The following SREK1 variants were observed in gnomAD, a reference collection of about 807,000 sequenced individuals.
The protein encoded by SREK1 is splicing regulatory glutamic acid and lysine rich protein 1.
Under a neutral mutation model 66.5 loss-of-function variants are expected in SREK1, and 13 were observed. The ratio of observed to expected loss-of-function variants is 0.20; its 90% CI spans 0.13 to 0.31. The LOEUF (loss-of-function observed/expected upper bound fraction) is 0.31, where lower values mean the gene tolerates loss of function less well. Among genes scored for constraint, SREK1 ranks in the 10% least tolerant of loss-of-function variants. SREK1 has a pLI of 1.00. For missense variants in SREK1, 607 were observed against 769.6 expected (o/e 0.79, Z 2.50); for synonymous variants, 265 against 263.5 (o/e 1.01, Z -0.05).
Position 66,178,803 on chromosome 5 carries a change from A to G in SREK1, c.1810A>G (p.Ile604Val). The change falls in exon 12 of 12, where the codon ATA becomes GTA. Residue 604 changes from isoleucine (I) to valine (V), a missense_variant. Coordinates refer to ENST00000334121, the MANE Select transcript of SREK1 (RefSeq NM_001077199.3). Reference protein sequence around the residue: ...KDAPRTEENKIQHNGNCQLNE... With the variant: ...KDAPRTEENKVQHNGNCQLNE... ...TGCACCAAGGACTGAGGAAAACAAA[A>G]TACAGCACAATGGGAATTGTCAGCT... 1 of 1,612,790 alleles carries G rather than the reference A, an allele frequency of 6.2e-7. No homozygotes were observed. The highest frequency in any genetic ancestry group is 8.5e-7 in the Non-Finnish European group (1 of 1,179,040).
intron 10 of SREK1, among the ~76,000 whole-genome samples, chr5:66,175,953 C>T (rs767633670): frequency 7.2e-5 from 11 of 151,966 alleles, no homozygotes; most frequent in Non-Finnish European, 1.6e-4. Context: ...AAATAACTTT[C>T]TCTTTTTCTT....
chr5:66,170,785 A>G lies in SREK1; in HGVS notation c.1322A>G (p.His441Arg). ...KDREREREKE[H>R]EKDRDKEKEK... ...AGAGAGAGAGAACGGGAAAAAGAGC[A>G]TGAGAAGGATCGAGACAAAGAGAAG... Residue 441 changes from histidine to arginine, a missense_variant, in exon 9 of 12, where the codon CAT becomes CGT. By Grantham distance (29) the His-to-Arg change is conservative. This residue lies in a region of SREK1 where 318 missense variants were observed against 310.3 expected (regional missense o/e 1.02). Transcript: ENST00000334121. The G allele has an allele frequency of 1.2e-6, 2 of 1,607,368 alleles. No homozygotes were observed. Among genetic ancestry groups the G allele is most frequent in the Admixed American group, 1.7e-5 (1 of 58,804 alleles).
rs1561503876 is a variant in SREK1 at position 66,162,129 on chromosome 5, T to C, written c.432T>C (p.Ser144=). 8 of 1,613,280 alleles carry C rather than the reference T, an allele frequency of 5.0e-6. No homozygotes were observed. Among genetic ancestry groups the C allele is most frequent in the Non-Finnish European group, 6.8e-6 (8 of 1,179,728 alleles). ...PLTTLGVSLS[S]LGAIPAAALD... is the part of the protein sequence containing the mutation. ...GATAGCTTGGTGTTTCACTTAGCAGTTTGGGAGCTATACCAGCAGCAGCAC... is the reference window on the plus strand; with the variant it reads ...GATAGCTTGGTGTTTCACTTAGCAGCTTGGGAGCTATACCAGCAGCAGCAC... The change falls in exon 4 of 12, where the codon AGT becomes AGC. Residue 144 remains serine (S), a synonymous_variant. Coordinates refer to ENST00000334121, the MANE Select transcript of SREK1 (RefSeq NM_001077199.3).
In SREK1 at chr5:66,144,526, C is replaced by T. The variant is rs1742973869; in HGVS notation, c.150C>T (p.Leu50=). 3 of 1,552,548 alleles carry T rather than the reference C, an allele frequency of 1.9e-6. No individual in the cohort carries two copies. The highest frequency in any genetic ancestry group is 8.7e-7 in the Non-Finnish European group (1 of 1,147,532). ...TAGGAGAAATCGAGGAGCTGCGGCT[C>T]TACCCCCCGGAGTAAGTGCTGGAGC... is the stretch of plus-strand genomic sequence containing the variant. ...SFLGEIEELR[L]YPPDNAPLAF... is the part of the protein sequence containing the mutation. Residue 50 remains leucine (L), a synonymous_variant, in exon 1 of 12, where the codon CTC becomes CTT. Coordinates refer to ENST00000334121, the MANE Select transcript of SREK1 (RefSeq NM_001077199.3).
chr5:66,144,517 G>A lies in SREK1; in HGVS notation c.141G>A (p.Glu47=). The A allele has an allele frequency of 1.3e-6, 2 of 1,553,386 alleles. No individual in the cohort carries two copies. Among genetic ancestry groups the A allele is most frequent in the Non-Finnish European group, 8.7e-7 (1 of 1,147,936 alleles). The change falls in exon 1 of 12, where the codon GAG becomes GAA. Residue 47 remains glutamate (E), a synonymous_variant. Transcript: ENST00000334121. Reference sequence around the variant, plus strand: ...TTTCCTTCCTAGGAGAAATCGAGGAGCTGCGGCTCTACCCCCCGGAGTAAG... The same window carrying A: ...TTTCCTTCCTAGGAGAAATCGAGGAACTGCGGCTCTACCCCCCGGAGTAAG... ...TLFSFLGEIE[E]LRLYPPDNAP... is the part of the protein sequence containing the mutation.
Position 66,179,078 on chromosome 5 carries a change from T to TC in SREK1, c.*211dup, listed in dbSNP as rs1746304419. 9.6e-6 allele frequency: 4 copies of TC among 417,558 alleles called. No homozygotes were observed. The East Asian group carries it at 1.6e-4, about 16-fold the overall frequency. The allele number at this position is 417,558 out of a possible 1,614,324, so 25.9% of individuals were successfully genotyped here. A position where few individuals can be genotyped will look rare whatever the true frequency, so the allele number is the denominator to read the frequency against. ...TGAAAATAACAGATGTTACCCAAAC[T>TC]CATCTTCTAAAATCTGTGCATTTCC... On this transcript the variant is annotated 3_prime_UTR_variant, in exon 12 of 12. Coordinates refer to ENST00000334121, the MANE Select transcript of SREK1 (RefSeq NM_001077199.3).
intron 3 of SREK1, among the ~76,000 whole-genome samples, chr5:66,159,918 C>T (rs1489889052): frequency 6.6e-6 from 1 of 152,058 alleles, no homozygotes; most frequent in Non-Finnish European, 1.5e-5. Context: ...ATCATGAGGT[C>T]GGGAGATCGA....
At chr5:66,146,767 T>C (rs1046076860) in intron 1 of SREK1, among the ~76,000 whole-genome samples, 40 of 152,338 alleles carry the variant, frequency 2.6e-4, no homozygotes, top group African/African-American at 8.7e-4. Flanking sequence ...ATTGAAAATA[T>C]ATTGTTTTGC....
rs142640308 is a variant in SREK1, at chr5:66,157,569, G to A, written c.296-1650G>A. 7.4e-4 allele frequency: 721 copies of A among 968,712 alleles called. 5 individuals are homozygous for A. The African/African-American group carries it at 0.012, about 16-fold the overall frequency. The allele number at this position is 968,712 out of a possible 1,614,324, so 60.0% of individuals were successfully genotyped here. A position where few individuals can be genotyped will look rare whatever the true frequency, so the allele number is the denominator to read the frequency against. On this transcript the variant is annotated intron_variant, in intron 2 of 11. Transcript: ENST00000334121. ...TCAATATAAATAGTATAGTGTATAT[G>A]TGGGTATATATAAATACATGTGTTA...
At chr5:66,169,933 GTATTATT>G (rs1395720287) in intron 7 of SREK1, 111 bp from the exon 8 acceptor site, 1 of 732,646 alleles carries the variant, frequency 1.4e-6, no homozygotes, top group East Asian at 3.1e-5. Context: ...TGTAACTAAA[GTATTATT>G]TAAGAGAAAT....
chr5:66,144,872 C>T (rs375015344), intron 1 of SREK1: 11 of 1,030,500 alleles, frequency 1.1e-5, no homozygotes, highest in African/African-American at 8.5e-5. Context: ...GCAGGTGGGC[C>T]CGGAACAGCC....
In SREK1 at chr5:66,170,925, C is replaced by T. The variant is rs1745595118; in HGVS notation, c.1462C>T (p.Arg488Ter). The change falls in exon 9 of 12, where the codon CGA becomes TGA. Residue 488 changes from arginine to a stop codon, truncating the protein, a stop_gained. Coordinates refer to ENST00000334121, the MANE Select transcript of SREK1 (RefSeq NM_001077199.3). LOFTEE classifies it high-confidence loss of function. ...RTPPRSYNAS[R>*]RSRSSSRERR... ...ACCACCCAGGAGTTACAATGCATCGCGAAGATCTCGTAGTTCCAGCAGGTT... is the reference window on the plus strand; with the variant it reads ...ACCACCCAGGAGTTACAATGCATCGTGAAGATCTCGTAGTTCCAGCAGGTT... The T allele has an allele frequency of 1.2e-6, 2 of 1,606,106 alleles. No individual in the cohort carries two copies. Among genetic ancestry groups the T allele is most frequent in the Non-Finnish European group, 8.5e-7 (1 of 1,177,394 alleles).
Position 66,144,984 on chromosome 5 carries a change from C to G in SREK1, c.161+447C>G, listed in dbSNP as rs1032884091. On this transcript the variant is annotated intron_variant, in intron 1 of 11. Coordinates refer to ENST00000334121, the MANE Select transcript of SREK1 (RefSeq NM_001077199.3). The stretch of plus-strand genomic sequence containing the variant: ...AAGGCCTTGGTGTCAGGCCGTTTTG[C>G]TGACGAGAAAGCCTGCTGCTGGTGA... The G allele has an allele frequency of 7.1e-6, 7 of 987,442 alleles. No homozygotes were observed. In the South Asian group the frequency reaches 3.2e-4, roughly 45 times the overall value. The allele number at this position is 987,442 out of a possible 1,614,324, so 61.2% of individuals were successfully genotyped here.
Position 66,178,939 on chromosome 5 carries a change from T to A in SREK1, c.*71T>A. On this transcript the variant is annotated 3_prime_UTR_variant, in exon 12 of 12. Transcript: ENST00000334121. ...AGCTTTTAATTCTCTCAACAAGATG[T>A]AAACAGGAAAGAAATCTAGTTGAGC... 2 of 1,413,886 alleles carry A rather than the reference T, an allele frequency of 1.4e-6. No individual in the cohort carries two copies. Among genetic ancestry groups the A allele is most frequent in the Non-Finnish European group, 1.9e-6 (2 of 1,069,852 alleles). The allele number at this position is 1,413,886 out of a possible 1,614,324, so 87.6% of individuals were successfully genotyped here.
chr5:66,164,445 C>G (rs1458960747), intron 6 of SREK1: 1 of 625,854 alleles, frequency 1.6e-6, no homozygotes, highest in Non-Finnish European at 2.4e-6. Flanking sequence ...TTTTCTAAAT[C>G]AACACTTAGA....
rs1449602978 is a variant in SREK1, at chr5:66,170,074, G to A, written c.1025G>A (p.Arg342His). 8.1e-6 allele frequency: 13 copies of A among 1,608,784 alleles called. No homozygotes were observed. Among genetic ancestry groups the A allele is most frequent in the Admixed American group, 6.7e-5 (4 of 59,542 alleles). ...KHRSRSHNRS[R>H]SRQKDRRRSK... ...AGGAGTAGATCCCATAATAGATCAC[G>A]TTCAAGACAGAAAGACAGACGTAGA... The change falls in exon 8 of 12, where the codon CGT becomes CAT. Residue 342 changes from arginine (R) to histidine (H), a missense_variant. Coordinates refer to ENST00000334121, the MANE Select transcript of SREK1 (RefSeq NM_001077199.3).
In SREK1 at chr5:66,145,726, T is replaced by G. The variant is rs536005631; in HGVS notation, c.161+1189T>G. Among the ~76,000 whole-genome samples the G allele has an allele frequency of 1.7e-4, 25 of 150,876 alleles. No individual in the cohort carries two copies. The South Asian group carries it at 5.1e-3, about 31-fold the overall frequency. Reference sequence around the variant, plus strand: ...TTGTCTGTTTTTGGCTACAGTTGATTATTAAAATTTCCCCAGTTATTTTAA... The same window carrying G: ...TTGTCTGTTTTTGGCTACAGTTGATGATTAAAATTTCCCCAGTTATTTTAA... On this transcript the variant is annotated intron_variant, in intron 1 of 11. Transcript: ENST00000334121.
At chr5:66,158,161 G>T in intron 2 of SREK1, 1 of 148,194 alleles carries the variant, frequency 6.7e-6, no homozygotes. Context: ...TAATGTGAAA[G>T]TTGCAGTCCT....
chr5:66,179,890 T>G lies in SREK1; in HGVS notation c.*1022T>G, dbSNP rs1357693153. 6.6e-6 allele frequency: 1 copy of G among 152,592 alleles called. No individual in the cohort carries two copies. The highest frequency in any genetic ancestry group is 1.5e-5 in the Non-Finnish European group (1 of 67,992). 9.5% of individuals were successfully genotyped at this position (152,592 alleles called of 1,614,324 possible). A position where few individuals can be genotyped will look rare whatever the true frequency, so the allele number is the denominator to read the frequency against. Reference sequence around the variant, plus strand: ...GTGTAAGTGATATGTCAGAAGAGCTTCTTACTGATTTCACCTAAAATGAGA... The same window carrying G: ...GTGTAAGTGATATGTCAGAAGAGCTGCTTACTGATTTCACCTAAAATGAGA... On this transcript the variant is annotated 3_prime_UTR_variant, in exon 12 of 12. Transcript: ENST00000334121.
Sources: gnomAD v4.1 joint callset for allele counts (sites outside exome capture counted in the v4.1 genomes callset) on GRCh38, gnomAD v4.1.1 for gene constraint, gnomAD v4.1.1 regional missense constraint, MANE v1.5 for transcripts, NCBI Gene and HGNC (gene_info 2026-07-23, HGNC 2026-07-21) for gene names.